The following KMT2C variants were observed in gnomAD, a reference collection of about 807,000 sequenced individuals.
KMT2C encodes lysine methyltransferase 2C.
KMT2C carries 88 observed loss-of-function variants against 507.9 expected under a neutral mutation model. The observed-to-expected ratio is 0.17, with a 90% CI of 0.15 to 0.21. The LOEUF (loss-of-function observed/expected upper bound fraction) is 0.21. KMT2C is among the 10% of genes least tolerant of loss of function. The pLI, the probability that KMT2C is intolerant of heterozygous loss-of-function variation, is 1.00. For synonymous variants in KMT2C, 2,049 were observed against 2,080.8 expected (o/e 0.98, Z 0.42); for missense variants, 4,954 against 5,957.8 (o/e 0.83, Z 5.55).
intron 42 of KMT2C, 86 bp downstream of exon 42, chr7:152,167,060 C>T (rs2092762874): frequency 2.8e-6 from 3 of 1,078,214 alleles, no homozygotes; most frequent in Non-Finnish European, 4.1e-6. Flanking sequence ...AAAAAAATCA[C>T]TAGTCAAAGT....
intron 38 of KMT2C, 67 bp downstream of exon 38, chr7:152,176,124 T>C: frequency 1.5e-6 from 2 of 1,360,296 alleles, no homozygotes; most frequent in East Asian, 4.6e-5. Context: ...AATAAAATCT[T>C]ATAAGCATAT....
intron 6 of KMT2C, among the ~76,000 whole-genome samples, chr7:152,280,084 T>C (rs1433913639): frequency 1.3e-5 from 2 of 152,228 alleles, no homozygotes; most frequent in Admixed American, 1.3e-4. Flanking sequence ...TCAAATAACC[T>C]CTTTGAAAGC....
In KMT2C at chr7:152,367,607, G is replaced by T. The variant is rs1469621815; in HGVS notation, c.162-8932C>A. 2.2e-6 allele frequency: 3 copies of T among 1,333,786 alleles called. No individual in the cohort carries two copies. In the South Asian group the frequency reaches 3.5e-5, roughly 16 times the overall value. The allele number at this position is 1,333,786 out of a possible 1,614,324, so 82.6% of individuals were successfully genotyped here. ...CCAGAGTATCCAGGTCCTTCTCATA[G>T]AATTAAAAAGACTATACAGGTGGAC... On this transcript the variant is annotated intron_variant, in intron 1 of 58. Coordinates refer to ENST00000262189, the MANE Select transcript of KMT2C (RefSeq NM_170606.3).
intron 50 of KMT2C, 35 bp downstream of exon 50, chr7:152,151,407 T>C: frequency 5.6e-6 from 9 of 1,609,438 alleles, no homozygotes; most frequent in Non-Finnish European, 7.6e-6. Flanking sequence ...TCGCTGGAGG[T>C]AGGAGGTGGG....
At chr7:152,414,073 G>A (rs1402901631) in intron 1 of KMT2C, among the ~76,000 whole-genome samples, 1 of 150,854 alleles carries the variant, frequency 6.6e-6, no homozygotes, top group African/African-American at 2.4e-5. Context: ...AGCTGGGCGT[G>A]GTGTCGCACG....
chr7:152,420,245 A>C (rs75279443), intron 1 of KMT2C, among the ~76,000 whole-genome samples: 73 of 152,360 alleles, frequency 4.8e-4, no homozygotes, highest in Non-Finnish European at 9.3e-4. Flanking sequence ...TGAAAGGAAG[A>C]GATTTTAAGT....
intron 1 of KMT2C, among the ~76,000 whole-genome samples, chr7:152,390,165 T>G (rs1189171643): frequency 6.6e-6 from 1 of 152,114 alleles, no homozygotes; most frequent in Non-Finnish European, 1.5e-5. Flanking sequence ...CATTACATAA[T>G]CTAGCCATGT....
rs2129115246 is a variant in KMT2C at position 152,177,689 on chromosome 7, C to T, written c.7764G>A (p.Leu2588=). The change falls in exon 38 of 59, where the codon CTG becomes CTA. Residue 2588 remains leucine (L), a synonymous_variant. Coordinates refer to ENST00000262189, the MANE Select transcript of KMT2C (RefSeq NM_170606.3). The part of the protein sequence containing the change: ...PGSVVEASSN[L]RHGNFIPRPD... ...GCCGGGGAATGAAGTTTCCATGTCT[C>T]AGATTAGAAGATGCCTCTACAACGC... is the stretch of plus-strand genomic sequence containing the variant. The T allele has an allele frequency of 1.2e-6, 2 of 1,614,054 alleles. No individual in the cohort carries two copies. Among genetic ancestry groups the T allele is most frequent in the Non-Finnish European group, 1.7e-6 (2 of 1,180,016 alleles).
At chr7:152,191,694 C>T (rs1366067678) in intron 31 of KMT2C, among the ~76,000 whole-genome samples, 2 of 152,290 alleles carry the variant, frequency 1.3e-5, no homozygotes, top group African/African-American at 2.4e-5. Context: ...CTGCCTCTGC[C>T]TATTTCTCAG....
intron 1 of KMT2C, among the ~76,000 whole-genome samples, chr7:152,396,873 G>A (rs924662648): frequency 2.1e-4 from 32 of 152,116 alleles, no homozygotes; most frequent in African/African-American, 6.3e-4. Flanking sequence ...TGTCCTCTTC[G>A]ATGAGAGAAC....
Position 152,330,642 on chromosome 7 carries a change from C to T in KMT2C, c.348G>A (p.Ser116=), listed in dbSNP as rs542986011. The part of the protein sequence containing the change: ...PTLQRSVSEE[S]ANSLVSVGVE... ...CACCAACAGAGACCAGGGAGTTTGC[C>T]GATTCCTCAGACACAGATCGCTGAA... Residue 116 remains serine (S), a synonymous_variant, in exon 3 of 59, where the codon TCG becomes TCA. Transcript: ENST00000262189. 60 of 1,614,134 alleles carry T rather than the reference C, an allele frequency of 3.7e-5. No homozygotes were observed. The East Asian group carries it at 4.7e-4, about 13-fold the overall frequency.
At chr7:152,320,374 G>A (rs374289144) in intron 3 of KMT2C, among the ~76,000 whole-genome samples, 48 of 152,116 alleles carry the variant, frequency 3.2e-4, no homozygotes, top group African/African-American at 9.2e-4. Flanking sequence ...TCAGCCTCCC[G>A]AGTAGCTGGG....
chr7:152,361,673 G>T (rs957658993), intron 1 of KMT2C, among the ~76,000 whole-genome samples: 3 of 151,684 alleles, frequency 2.0e-5, no homozygotes, highest in African/African-American at 7.3e-5. Flanking sequence ...AGGCAGAAAA[G>T]GAATGAAAAC....
At chr7:152,276,289 G>C (rs977264968) in intron 6 of KMT2C, among the ~76,000 whole-genome samples, 18 of 152,078 alleles carry the variant, frequency 1.2e-4, no homozygotes, top group Non-Finnish European at 1.0e-4. Context: ...TAAAATCGTA[G>C]ACAATATCAA....
chr7:152,187,118 T>A, intron 33 of KMT2C, 144 bp downstream of exon 33: 1 of 652,592 alleles, frequency 1.5e-6, no homozygotes, highest in East Asian at 2.7e-5. Context: ...TGCAAGATGT[T>A]TCTAGACATC....
At chr7:152,430,511 G>A (rs986321092) in intron 1 of KMT2C, among the ~76,000 whole-genome samples, 3 of 152,170 alleles carry the variant, frequency 2.0e-5, no homozygotes, top group Non-Finnish European at 4.4e-5. Flanking sequence ...GTCCCCACCA[G>A]GCAAGAGTGC....
intron 1 of KMT2C, among the ~76,000 whole-genome samples, chr7:152,375,424 C>T (rs1263851502): frequency 6.6e-6 from 1 of 151,552 alleles, no homozygotes; most frequent in Non-Finnish European, 1.5e-5. Flanking sequence ...CTTGCTCTGT[C>T]GCCCAGGCTG....
rs550924665 is a variant in KMT2C, at chr7:152,350,000, G to A, written c.250+8587C>T. Among the ~76,000 whole-genome samples the A allele has an allele frequency of 1.6e-4, 24 of 152,102 alleles. No homozygotes were observed. The South Asian group carries it at 3.5e-3, about 22-fold the overall frequency. On this transcript the variant is annotated intron_variant, in intron 2 of 58. Coordinates refer to ENST00000262189, the MANE Select transcript of KMT2C (RefSeq NM_170606.3). The stretch of plus-strand genomic sequence containing the variant: ...GGTGCAGTGGTTCATGCCTATAATC[G>A]CAACACTTTGGGAAGCTGAGGTGGG...
chr7:152,181,672 G>A lies in KMT2C; in HGVS notation c.6188C>T (p.Ala2063Val), dbSNP rs1179787171. 1 of 1,613,960 alleles carries A rather than the reference G, an allele frequency of 6.2e-7. No homozygotes were observed. Among genetic ancestry groups the A allele is most frequent in the Admixed American group, 1.7e-5 (1 of 59,998 alleles). ...SQDPYGSVSQ[A>V]SRRLSVDPYE... Reference sequence around the variant, plus strand: ...AGGGTCAACAGACAATCGCCTTGATGCCTGTGACACTGATCCATAAGGATC... The same window carrying A: ...AGGGTCAACAGACAATCGCCTTGATACCTGTGACACTGATCCATAAGGATC... The change falls in exon 36 of 59, where the codon GCA becomes GTA. Residue 2063 changes from alanine (A) to valine (V), a missense_variant. Around this residue, in one of 29 missense-constraint regions of KMT2C, gnomAD observed 1,689 missense variants for 1,654.3 expected, o/e 1.02. Transcript: ENST00000262189.
Sources: gnomAD v4.1 joint callset for allele counts (sites outside exome capture counted in the v4.1 genomes callset) on GRCh38, gnomAD v4.1.1 for gene constraint, gnomAD v4.1.1 regional missense constraint, MANE v1.5 for transcripts, NCBI Gene and HGNC (gene_info 2026-07-23, HGNC 2026-07-21) for gene names.